The following RXFP1 variants were observed in gnomAD, a reference collection of about 807,000 sequenced individuals.
RXFP1 encodes the protein relaxin family peptide receptor 1, also known as relaxin receptor 1.
Under a neutral mutation model 89.8 loss-of-function variants are expected in RXFP1, and 73 were observed. The ratio of observed to expected loss-of-function variants is 0.81; its 90% confidence interval spans 0.67 to 0.99. The LOEUF (loss-of-function observed/expected upper bound fraction) is 0.99, where lower values mean the gene tolerates loss of function less well. Ranked by LOEUF, RXFP1 falls within the 50% of genes least tolerant of loss-of-function variation. The pLI is 0.00. For missense variants in RXFP1, 793 were observed against 895.5 expected (o/e 0.89, Z 1.46); for synonymous variants, 277 against 305.5 (o/e 0.91, Z 0.97).
At chr4:158,554,759 G>A (rs113323605) in intron 1 of RXFP1, among the ~76,000 whole-genome samples, 29 of 151,818 alleles carry the variant, frequency 1.9e-4, no homozygotes, top group African/African-American at 6.5e-4. Flanking sequence ...TTCATGGATC[G>A]TAAAAGGACT....
chr4:158,601,464 A>C (rs968690821), intron 4 of RXFP1, among the ~76,000 whole-genome samples: 1 of 152,220 alleles, frequency 6.6e-6, no homozygotes, highest in African/African-American at 2.4e-5. Flanking sequence ...AATAAAGCTC[A>C]GGAGTTTATG....
At chr4:158,626,965 G>A in intron 10 of RXFP1, 74 bp downstream of exon 10, 1 of 722,788 alleles carries the variant, frequency 1.4e-6, no homozygotes, top group South Asian at 2.3e-5. Flanking sequence ...CCCATTTTAT[G>A]GAAAAAAAAT....
intron 10 of RXFP1, among the ~76,000 whole-genome samples, chr4:158,627,649 G>A (rs1244801112): frequency 5.3e-5 from 8 of 152,044 alleles, no homozygotes; most frequent in African/African-American, 1.2e-4. Flanking sequence ...GTATATAGGC[G>A]ATACAATAGC....
At chr4:158,641,746 A>G (rs968220236) in intron 14 of RXFP1, among the ~76,000 whole-genome samples, 3 of 152,152 alleles carry the variant, frequency 2.0e-5, no homozygotes, top group African/African-American at 7.2e-5. Context: ...TTTATAGACA[A>G]ATAGATCTAA....
intron 2 of RXFP1, among the ~76,000 whole-genome samples, chr4:158,591,057 C>T (rs1759355108): frequency 6.6e-6 from 1 of 152,094 alleles, no homozygotes; most frequent in Non-Finnish European, 1.5e-5. Context: ...ATCCATGAGG[C>T]TGGTGTGTAT....
intron 2 of RXFP1, among the ~76,000 whole-genome samples, chr4:158,585,702 G>A (rs1231519147): frequency 6.6e-6 from 1 of 152,122 alleles, no homozygotes; most frequent in East Asian, 1.9e-4. Context: ...AAGTACCTTA[G>A]TAGTCACTGA....
chr4:158,610,132 G>A (rs1763292643), intron 6 of RXFP1, among the ~76,000 whole-genome samples: 1 of 152,060 alleles, frequency 6.6e-6, no homozygotes, highest in East Asian at 1.9e-4. Context: ...GGGCATGGTG[G>A]CACACGCCTG....
rs577003892 is a variant in RXFP1 at position 158,531,962 on chromosome 4, G to A, written c.49+9937G>A. Reference sequence around the variant, plus strand: ...TTGTTTGTTTGTTTTACATTTAGGGGGTATATGTGCAGGTTTGTTACATGG... The same window carrying A: ...TTGTTTGTTTGTTTTACATTTAGGGAGTATATGTGCAGGTTTGTTACATGG... On this transcript the variant is annotated intron_variant, in intron 1 of 17. Transcript: ENST00000307765. 9.9e-5 allele frequency among the ~76,000 whole-genome samples: 15 copies of A among 151,850 alleles called. 1 individual carries two copies. Among genetic ancestry groups the A allele is most frequent in the African/African-American group, 3.6e-4 (15 of 41,384 alleles).
At chr4:158,531,391 C>T (rs1452634840) in intron 1 of RXFP1, among the ~76,000 whole-genome samples, 2 of 152,162 alleles carry the variant, frequency 1.3e-5, no homozygotes, top group African/African-American at 4.8e-5. Flanking sequence ...CTCTCTGCCC[C>T]TCTGTTTCCT....
At chr4:158,600,498 A>G (rs571137895) in intron 4 of RXFP1, among the ~76,000 whole-genome samples, 56 of 152,184 alleles carry the variant, frequency 3.7e-4, no homozygotes, top group Non-Finnish European at 6.5e-4. Flanking sequence ...TTCTTGCCTT[A>G]CCATGGCTCT....
intron 1 of RXFP1, among the ~76,000 whole-genome samples, chr4:158,545,299 TG>T (rs1236724820): frequency 8.5e-5 from 13 of 152,338 alleles, no homozygotes; most frequent in African/African-American, 3.1e-4. Context: ...TGGGGTTGTT[TG>T]TTTTTTTCTT....
rs1400709958 is a variant in RXFP1, at chr4:158,604,966, G to C, written c.393-102G>C. 8.8e-6 allele frequency: 5 copies of C among 570,590 alleles called. No homozygotes were observed. In the Admixed American group the frequency reaches 1.3e-4, roughly 15 times the overall value. 35.3% of individuals were successfully genotyped at this position (570,590 alleles called of 1,614,324 possible). Reference sequence around the variant, plus strand: ...GACATTATGAAGCAAAATGTTTCCTGAAAGCTAGTACTAAAGTAAATAGTT... The same window carrying C: ...GACATTATGAAGCAAAATGTTTCCTCAAAGCTAGTACTAAAGTAAATAGTT... On this transcript the variant is annotated intron_variant, in intron 4 of 17. Transcript: ENST00000307765.
Position 158,612,142 on chromosome 4 carries a change from T to C in RXFP1, c.549T>C (p.His183=). The change falls in exon 7 of 18, where the codon CAT becomes CAC. Residue 183 remains histidine, a synonymous_variant. Coordinates refer to ENST00000307765, the MANE Select transcript of RXFP1 (RefSeq NM_021634.4). ...LNSLTKLYLS[H]NRITFLKPGV... ...TCTCCTTTTCCAGGTATCTCAGTCA[T>C]AACAGAATAACCTTCCTGAAGCCGG... is the stretch of plus-strand genomic sequence containing the variant. 2 of 1,608,464 alleles carry C rather than the reference T, an allele frequency of 1.2e-6. No homozygotes were observed. Among genetic ancestry groups the C allele is most frequent in the Non-Finnish European group, 1.7e-6 (2 of 1,178,078 alleles).
At position 158,647,171 on chromosome 4, in the gene RXFP1, G is replaced by T; in HGVS notation, c.1726G>T (p.Ala576Ser). 1 of 1,594,348 alleles carries T rather than the reference G, an allele frequency of 6.3e-7. No individual in the cohort carries two copies. ...LHSEDTESIG[A>S]QIYSVAIFLG... ...TTCAGAAGATACAGAAAGTATTGGA[G>T]CCCAGATTTATTCAGTGGCAATTTT... The change falls in exon 16 of 18, where the codon GCC becomes TCC. Residue 576 changes from alanine (A) to serine (S), a missense_variant. Transcript: ENST00000307765.
intron 2 of RXFP1, among the ~76,000 whole-genome samples, chr4:158,581,953 C>T (rs545712769): frequency 1.3e-5 from 2 of 152,104 alleles, no homozygotes; most frequent in Admixed American, 6.5e-5. Flanking sequence ...GATTACATAG[C>T]GAGAGAGGAA....
chr4:158,651,764 A>G lies in RXFP1; in HGVS notation c.1983A>G (p.Ile661Met). Residue 661 changes from isoleucine to methionine, a missense_variant, in exon 18 of 18, where the codon ATA (isoleucine) becomes ATG (methionine). By Grantham distance (10) the Ile-to-Met change is conservative. Transcript: ENST00000307765. Reference sequence around the variant, plus strand: ...TTCATTTTTCTTTTTTAGGTACCATAACCTCTTGGGTAGTGATTTTTATTC... The same window carrying G: ...TTCATTTTTCTTTTTTAGGTACCATGACCTCTTGGGTAGTGATTTTTATTC... ...SLLQVEIPGT[I>M]TSWVVIFILP... is the part of the protein sequence containing the mutation. 1.9e-6 allele frequency: 3 copies of G among 1,604,002 alleles called. No homozygotes were observed. The highest frequency in any genetic ancestry group is 1.7e-4 in the Middle Eastern group (1 of 5,988).
chr4:158,641,859 C>T (rs1336279578), intron 14 of RXFP1, among the ~76,000 whole-genome samples: 7 of 152,152 alleles, frequency 4.6e-5, no homozygotes, highest in Non-Finnish European at 5.9e-5. Flanking sequence ...ACCTACCTCA[C>T]GGAATTCATT....
At chr4:158,643,114 G>A (rs1482639045) in intron 14 of RXFP1, among the ~76,000 whole-genome samples, 1 of 152,132 alleles carries the variant, frequency 6.6e-6, no homozygotes, top group Non-Finnish European at 1.5e-5. Context: ...ACATGTGGTT[G>A]ACAAAGAAAA....
At chr4:158,552,566 C>T (rs1750381542) in intron 1 of RXFP1, among the ~76,000 whole-genome samples, 1 of 152,118 alleles carries the variant, frequency 6.6e-6, no homozygotes, top group South Asian at 2.1e-4. Flanking sequence ...TATTTGCTTA[C>T]TTTCACATAG....
Sources: gnomAD v4.1 joint callset for allele counts (sites outside exome capture counted in the v4.1 genomes callset) on GRCh38, gnomAD v4.1.1 for gene constraint, MANE v1.5 for transcripts, NCBI Gene and HGNC (gene_info 2026-07-23, HGNC 2026-07-21) for gene names.